The following CD300A variants were observed in gnomAD, a reference collection of about 807,000 sequenced individuals.
CD300A encodes the protein CD300a molecule, also known as CMRF35-like molecule 8.
Under a neutral mutation model 33.6 loss-of-function variants are expected in CD300A, and 22 were observed. The ratio of observed to expected loss-of-function variants is 0.66; its 90% CI spans 0.47 to 0.94. The LOEUF (loss-of-function observed/expected upper bound fraction) is 0.94. Among genes scored for constraint, CD300A ranks in the 40% least tolerant of loss-of-function variants. The probability of loss-of-function intolerance (pLI) is 0.00; values close to 1 mark genes in which losing one functional copy is unlikely to be tolerated. For synonymous variants in CD300A, 136 were observed against 148.1 expected, an observed-to-expected ratio of 0.92 and a Z score of 0.59; for missense variants, 326 against 360.5, an observed-to-expected ratio of 0.90 and a Z score of 0.77.
At chr17:74,481,110 T>C (rs1906814001) in intron 4 of CD300A, among the ~76,000 whole-genome samples, 179 bp from the exon 5 acceptor site, 1 of 152,158 alleles carries the variant, frequency 6.6e-6, no homozygotes, top group Non-Finnish European at 1.5e-5. Flanking sequence ...ATTCATTTAC[T>C]AAGTCACTAA....
chr17:74,482,678 G>GTTCCTTCCTTGC (rs1906947295), intron 6 of CD300A, among the ~76,000 whole-genome samples: 1 of 129,480 alleles, frequency 7.7e-6, no homozygotes, highest in African/African-American at 4.3e-5. Context: ...TCCTGGCCAA[G>GTTCCTTCCTTGC]TTCCTTCCTT....
At position 74,473,583 on chromosome 17, in the gene CD300A, G is replaced by C. The variant is rs111636139; in HGVS notation, c.88G>C (p.Gly30Arg). 4.3e-6 allele frequency: 7 copies of C among 1,614,138 alleles called. No individual in the cohort carries two copies. In the African/African-American group the frequency reaches 5.3e-5, roughly 12 times the overall value. ...KCRTVAGPVG[G>R]SLSVQCPYEK... Reference sequence around the variant, plus strand: ...CAGGACCGTGGCGGGCCCCGTGGGGGGATCCCTGAGTGTGCAGTGTCCCTA... The same window carrying C: ...CAGGACCGTGGCGGGCCCCGTGGGGCGATCCCTGAGTGTGCAGTGTCCCTA... The change falls in exon 2 of 7, where the codon GGA (glycine) becomes CGA (arginine). Residue 30 changes from glycine (G) to arginine (R), a missense_variant. Coordinates refer to ENST00000360141, the MANE Select transcript of CD300A (RefSeq NM_007261.4).
chr17:74,474,607 C>T lies in CD300A; in HGVS notation c.455C>T (p.Ser152Leu). ...ATCACAACTGCATTTCCACCTGTAT[C>T]ATCCACTACCCTGTTTGCAGTGGGT... ...STITTAFPPV[S>L]STTLFAVGAT... is the part of the protein sequence containing the mutation. The change falls in exon 3 of 7, where the codon TCA becomes TTA. Residue 152 changes from serine to leucine, a missense_variant. By Grantham distance (145) the Ser-to-Leu change is moderately radical. Transcript: ENST00000360141. The T allele has an allele frequency of 1.9e-6, 3 of 1,614,156 alleles. No individual in the cohort carries two copies. In the South Asian group the frequency reaches 3.3e-5, roughly 18 times the overall value.
intron 6 of CD300A, 108 bp downstream of exon 6, chr17:74,481,941 G>C: frequency 1.3e-6 from 1 of 760,598 alleles, no homozygotes; most frequent in Non-Finnish European, 2.2e-6. Flanking sequence ...GTGATCTTGT[G>C]CCTGTCAGGG....
chr17:74,481,922 G>C, intron 6 of CD300A, 89 bp downstream of exon 6: 1 of 915,812 alleles, frequency 1.1e-6, no homozygotes, highest in Non-Finnish European at 1.7e-6. Context: ...GAAGGAAGGG[G>C]TCGGCTTGGT....
chr17:74,473,791 G>A lies in CD300A; in HGVS notation c.296G>A (p.Gly99Asp), dbSNP rs1458598628. 3 of 1,614,236 alleles carry A rather than the reference G, an allele frequency of 1.9e-6. No individual in the cohort carries two copies. The Admixed American group carries it at 5.0e-5, about 27-fold the overall frequency. Residue 99 changes from glycine to aspartate, a missense_variant, in exon 2 of 7, where the codon GGC becomes GAC. Physicochemically the swap from Gly to Asp is moderately conservative, Grantham distance 94. Transcript: ENST00000360141. The stretch of plus-strand genomic sequence containing the variant: ...GAGAATCTCACAGAGGAGGATGCAG[G>A]CACCTACTGGTGTGGGGTGGATACA... ...TLENLTEEDA[G>D]TYWCGVDTPW...
At position 74,484,142 on chromosome 17, in the gene CD300A, C is replaced by T. The variant is rs764118411; in HGVS notation, c.*16C>T. The T allele has an allele frequency of 1.2e-5, 20 of 1,612,220 alleles. No individual in the cohort carries two copies. Among genetic ancestry groups the T allele is most frequent in the South Asian group, 6.6e-5 (6 of 91,016 alleles). On this transcript the variant is annotated 3_prime_UTR_variant, in exon 7 of 7. Coordinates refer to ENST00000360141, the MANE Select transcript of CD300A (RefSeq NM_007261.4). ...GAAGACATAGGCTTTTGTCCTGCCT[C>T]GCCATCGGAGCTCTCATGGGCCCCA...
At chr17:74,466,480 C>T (rs1229269358), upstream of CD300A, 2 of 595,416 alleles carry the variant, frequency 3.4e-6, no homozygotes, top group African/African-American at 3.7e-5. Flanking sequence ...GCAGCCTCAA[C>T]CAGCGTTAAG....
At chr17:74,479,492 G>A (rs1906695124) in intron 4 of CD300A, among the ~76,000 whole-genome samples, 1 of 152,018 alleles carries the variant, frequency 6.6e-6, no homozygotes, top group Non-Finnish European at 1.5e-5. Context: ...CAAGCCCAGA[G>A]TGCTGGGATT....
intron 1 of CD300A, among the ~76,000 whole-genome samples, chr17:74,467,274 T>G (rs555468845): frequency 2.0e-5 from 3 of 151,760 alleles, no homozygotes; most frequent in Admixed American, 6.5e-5. Flanking sequence ...CGATAGTCTC[T>G]GGAATGCGGA....
chr17:74,477,970 C>G (rs796292428), intron 4 of CD300A, among the ~76,000 whole-genome samples: 23 of 152,322 alleles, frequency 1.5e-4, no homozygotes, highest in African/African-American at 5.5e-4. Context: ...CATGGTCTCC[C>G]CCACCATAAA....
rs553939007 is a variant in CD300A, at chr17:74,479,565, C to G, written c.629-1724C>G. Among the ~76,000 whole-genome samples, 20 of 152,200 alleles carry G rather than the reference C, an allele frequency of 1.3e-4. No homozygotes were observed. The South Asian group carries it at 4.1e-3, about 32-fold the overall frequency. ...ATGTCTTAACAAATTGGCCTCATAC[C>G]ACTCATTCTCTTTTAAACCTACATT... On this transcript the variant is annotated intron_variant, in intron 4 of 6. Transcript: ENST00000360141.
chr17:74,466,776 C>T, intron 1 of CD300A, 33 bp downstream of exon 1: 1 of 1,572,462 alleles, frequency 6.4e-7, no homozygotes, highest in Non-Finnish European at 8.6e-7. Flanking sequence ...AAGTCTGCGG[C>T]AGGGAGGGAG....
chr17:74,476,557 A>C (rs557392362), intron 3 of CD300A, among the ~76,000 whole-genome samples: 2 of 152,304 alleles, frequency 1.3e-5, no homozygotes, highest in Admixed American at 1.3e-4. Flanking sequence ...AAAATTATGA[A>C]TGCAAACGTA....
At chr17:74,472,788 T>C (rs1175880849) in intron 1 of CD300A, among the ~76,000 whole-genome samples, 2 of 152,068 alleles carry the variant, frequency 1.3e-5, no homozygotes, top group African/African-American at 2.4e-5. Context: ...TTTTGTATTT[T>C]TAGTAGAGAC....
chr17:74,481,655 A>C lies in CD300A; in HGVS notation c.667-71A>C. On this transcript the variant is annotated intron_variant, in intron 5 of 6. Coordinates refer to ENST00000360141, the MANE Select transcript of CD300A (RefSeq NM_007261.4). ...CTCAGAGCATAGAGGAAGGGGAGAC[A>C]CATGCAGAGACGCAGGGACAGAGGC... 3 of 1,080,698 alleles carry C rather than the reference A, an allele frequency of 2.8e-6. No homozygotes were observed. The South Asian group carries it at 4.0e-5, about 15-fold the overall frequency. 66.9% of individuals were successfully genotyped at this position (1,080,698 alleles called of 1,614,324 possible). A position where few individuals can be genotyped will look rare whatever the true frequency, so the allele number is the denominator to read the frequency against.
chr17:74,481,885 G>T (rs756135450), intron 6 of CD300A, 52 bp downstream of exon 6: 2 of 1,407,270 alleles, frequency 1.4e-6, no homozygotes, highest in Admixed American at 2.0e-5. Flanking sequence ...CTGTGCCAGG[G>T]CACCCCTGGG....
At chr17:74,470,487 T>C (rs1365163493) in intron 1 of CD300A, among the ~76,000 whole-genome samples, 1 of 150,890 alleles carries the variant, frequency 6.6e-6, no homozygotes, top group Non-Finnish European at 1.5e-5. Flanking sequence ...AGAGACAGGA[T>C]TGGGTGCAGT....
At chr17:74,478,536 G>C (rs1229897137) in intron 4 of CD300A, among the ~76,000 whole-genome samples, 1 of 152,216 alleles carries the variant, frequency 6.6e-6, no homozygotes, top group Non-Finnish European at 1.5e-5. Flanking sequence ...AATTGAATAA[G>C]CACAGGAACA....
Sources: allele counts gnomAD v4.1 joint callset (sites outside exome capture counted in the v4.1 genomes callset), GRCh38; gene constraint gnomAD v4.1.1; transcripts MANE v1.5; gene names NCBI Gene and HGNC (gene_info 2026-07-23, HGNC 2026-07-21).